ROBO2: variants seen among roughly 807,000 people sequenced by gnomAD.
The protein encoded by ROBO2 is roundabout guidance receptor 2.
Under a neutral mutation model 160.8 loss-of-function variants are expected in ROBO2, and 53 were observed. That is an observed-to-expected ratio of 0.33 (90% CI 0.26 to 0.41). ROBO2 has a LOEUF of 0.41. ROBO2 is among the 10% of genes least tolerant of loss of function. The pLI is 1.00. For synonymous variants in ROBO2, 664 were observed against 611.7 expected (o/e 1.09, Z -1.26); for missense variants, 1,577 against 1,722.4 (o/e 0.92, Z 1.49).
chr3:76,417,590 T>G (rs780189771), intron 2 of ROBO2, among the ~76,000 whole-genome samples: 16 of 152,148 alleles, frequency 1.1e-4, no homozygotes, highest in Non-Finnish European at 2.2e-4. Flanking sequence ...AAGGAGGGGT[T>G]TATTCAAATA....
At chr3:77,301,163 C>A (rs1404795909) in intron 2 of ROBO2, among the ~76,000 whole-genome samples, 1 of 151,906 alleles carries the variant, frequency 6.6e-6, no homozygotes, top group Non-Finnish European at 1.5e-5. Flanking sequence ...ACCACTGTGT[C>A]CGGCCTAATA....
chr3:76,141,800 T>C (rs112106352), intron 2 of ROBO2, among the ~76,000 whole-genome samples: 15 of 151,952 alleles, frequency 9.9e-5, no homozygotes, highest in Admixed American at 3.3e-4. Context: ...CACAACTAAA[T>C]CAAAGAGGTC....
chr3:77,609,281 TA>T (rs1196033375), intron 21 of ROBO2, among the ~76,000 whole-genome samples: 1 of 152,052 alleles, frequency 6.6e-6, no homozygotes, highest in Non-Finnish European at 1.5e-5. Context: ...ACATAAAAAA[TA>T]AAATTCTGTA....
At chr3:77,072,838 T>C (rs976860851) in intron 1 of ROBO2, among the ~76,000 whole-genome samples, 2 of 152,228 alleles carry the variant, frequency 1.3e-5, no homozygotes, top group Non-Finnish European at 1.5e-5. Context: ...CGTCTTATAT[T>C]AATCTGTTTT....
rs573237122 is a variant in ROBO2, at chr3:77,119,329, G to A, written c.388+20989G>A. On this transcript the variant is annotated intron_variant, in intron 2 of 25. Transcript: ENST00000461745. ...TGTAAGTATTTGTGCACCTAAACAT[G>A]TGTAAACGCAGAAAAATTACAATAA... Among the ~76,000 whole-genome samples the A allele has an allele frequency of 2.6e-5, 4 of 152,258 alleles. No individual in the cohort carries two copies. The East Asian group carries it at 7.7e-4, about 29-fold the overall frequency.
intron 2 of ROBO2, among the ~76,000 whole-genome samples, chr3:76,201,203 G>A (rs1242397317): frequency 6.6e-6 from 1 of 152,108 alleles, no homozygotes; most frequent in African/African-American, 2.4e-5. Context: ...AAGAGAAATT[G>A]TTTCTGAAAA....
intron 2 of ROBO2, among the ~76,000 whole-genome samples, chr3:77,331,690 T>C (rs199926449): frequency 1.9e-5 from 2 of 102,578 alleles, no homozygotes; most frequent in African/African-American, 5.6e-5. Context: ...GGCCTATTTA[T>C]TTACTTATTT....
chr3:76,221,098 A>G (rs892228561), intron 2 of ROBO2, among the ~76,000 whole-genome samples: 7 of 152,198 alleles, frequency 4.6e-5, no homozygotes, highest in Admixed American at 1.3e-4. Context: ...TAGTAGTTCA[A>G]TTTCCCCAGG....
At chr3:76,974,519 A>T (rs1319986141) in intron 2 of ROBO2, among the ~76,000 whole-genome samples, 1 of 152,208 alleles carries the variant, frequency 6.6e-6, no homozygotes, top group Admixed American at 6.5e-5. Context: ...GTGATCACCC[A>T]GCCTGAAGGA....
At chr3:76,626,435 A>G (rs2089644948) in intron 2 of ROBO2, among the ~76,000 whole-genome samples, 1 of 152,162 alleles carries the variant, frequency 6.6e-6, no homozygotes, top group Admixed American at 6.5e-5. Context: ...GATGGAAAAT[A>G]AAGTAGCACC....
At chr3:76,838,690 C>T (rs368816490) in intron 2 of ROBO2, among the ~76,000 whole-genome samples, 2 of 152,046 alleles carry the variant, frequency 1.3e-5, no homozygotes, top group East Asian at 1.9e-4. Flanking sequence ...TATCTCCATT[C>T]GTAAATTACA....
At chr3:77,639,235 C>G (rs1395812648) in intron 24 of ROBO2, among the ~76,000 whole-genome samples, 1 of 152,128 alleles carries the variant, frequency 6.6e-6, no homozygotes, top group African/African-American at 2.4e-5. Context: ...ATTAATTAAT[C>G]TATTCACTCA....
At chr3:76,971,748 A>G (rs2149284556) in intron 2 of ROBO2, among the ~76,000 whole-genome samples, 1 of 152,296 alleles carries the variant, frequency 6.6e-6, no homozygotes, top group Admixed American at 6.5e-5. Context: ...TAATAGCTTA[A>G]AGGCAAATTA....
intron 2 of ROBO2, among the ~76,000 whole-genome samples, chr3:76,887,370 C>G (rs1237175454): frequency 1.3e-5 from 2 of 151,606 alleles, no homozygotes; most frequent in Non-Finnish European, 2.9e-5. Context: ...GTTCTAACTC[C>G]TAGTTAGTAA....
At chr3:76,309,769 T>C (rs1477106307) in intron 2 of ROBO2, among the ~76,000 whole-genome samples, 2 of 152,190 alleles carry the variant, frequency 1.3e-5, no homozygotes, top group African/African-American at 2.4e-5. Context: ...AGCCAGAATG[T>C]TTTGATCACG....
chr3:76,783,314 A>C (rs1560553524), intron 2 of ROBO2, among the ~76,000 whole-genome samples: 1 of 150,884 alleles, frequency 6.6e-6, no homozygotes, highest in Admixed American at 6.6e-5. Flanking sequence ...ACATAATTAC[A>C]CTACTAGAGT....
intron 2 of ROBO2, among the ~76,000 whole-genome samples, chr3:76,551,118 C>G (rs1316623400): frequency 6.6e-6 from 1 of 151,986 alleles, no homozygotes. Context: ...CCACCCATGG[C>G]CATCCATGGA....
At chr3:76,961,504 T>G (rs1163468037) in intron 2 of ROBO2, among the ~76,000 whole-genome samples, 1 of 152,120 alleles carries the variant, frequency 6.6e-6, no homozygotes, top group Non-Finnish European at 1.5e-5. Flanking sequence ...CACATTAATC[T>G]AGAAGGTCAA....
chr3:77,500,327 G>GT (rs1037972021), intron 5 of ROBO2, among the ~76,000 whole-genome samples: 1 of 152,080 alleles, frequency 6.6e-6, no homozygotes, highest in African/African-American at 2.4e-5. Context: ...AACAAGTTAG[G>GT]TTTTTAAGGC....
Sources: allele counts gnomAD v4.1 joint callset (sites outside exome capture counted in the v4.1 genomes callset), GRCh38; gene constraint gnomAD v4.1.1; transcripts MANE v1.5; gene names NCBI Gene and HGNC (gene_info 2026-07-23, HGNC 2026-07-21).